CSGALNACT1: variants seen among roughly 807,000 people sequenced by gnomAD.
CSGALNACT1 encodes the protein chondroitin sulfate N-acetylgalactosaminyltransferase 1.
Under a neutral mutation model 51.0 loss-of-function variants are expected in CSGALNACT1, and 52 were observed. The ratio of observed to expected loss-of-function variants is 1.02; its 90% CI spans 0.82 to 1.29. CSGALNACT1 has a LOEUF of 1.29. Among genes scored for constraint, CSGALNACT1 ranks in the 50% most tolerant of loss-of-function variants. The pLI is 0.00. For missense variants in CSGALNACT1, 935 were observed against 679.2 expected, an observed-to-expected ratio of 1.38 and a Z score of -4.19; for synonymous variants, 341 against 254.4, an observed-to-expected ratio of 1.34 and a Z score of -3.24.
chr8:19,732,525 G>C (rs1312736814), intron 1 of CSGALNACT1: 3 of 152,150 alleles, frequency 2.0e-5, no homozygotes, highest in African/African-American at 4.8e-5. Flanking sequence ...AGCCATATAT[G>C]TGTCTTCATG....
intron 1 of CSGALNACT1, among the ~76,000 whole-genome samples, chr8:19,693,627 A>G (rs35279404): frequency 0.92 from 139,279 of 152,114 alleles, 63,999 homozygotes; most frequent in East Asian, 1. Flanking sequence ...ACCTGTCTAC[A>G]GGGAGCCCCT....
chr8:19,689,025 A>C (rs2154213868), intron 1 of CSGALNACT1: 1 of 152,346 alleles, frequency 6.6e-6, no homozygotes, highest in Non-Finnish European at 1.5e-5. Context: ...CAGTTTGGCT[A>C]GGGTAAATGT....
upstream of CSGALNACT1, among the ~76,000 whole-genome samples, chr8:19,604,931 A>AC (rs2051150582): frequency 6.7e-6 from 1 of 150,000 alleles, no homozygotes; most frequent in African/African-American, 2.5e-5. Flanking sequence ...AAAAAAAAAA[A>AC]AAAGTAAGTA....
chr8:19,715,493 T>C (rs1356120182), intron 1 of CSGALNACT1, among the ~76,000 whole-genome samples: 1 of 152,232 alleles, frequency 6.6e-6, no homozygotes, highest in African/African-American at 2.4e-5. Context: ...TATTTCATGG[T>C]GTGTATGTAC....
chr8:19,589,439 C>T (rs965242227), intron 3 of CSGALNACT1, among the ~76,000 whole-genome samples: 2 of 152,180 alleles, frequency 1.3e-5, no homozygotes, highest in African/African-American at 4.8e-5. Flanking sequence ...AATTATCCTG[C>T]CTAAGCCTCC....
In CSGALNACT1 at chr8:19,757,517, C is replaced by G. The variant is rs2065475464; in HGVS notation, c.-297+333G>C. ...CGTCGGAGCGGCGCCCTGGCCGAAG[C>G]CTGTCACTCTCGGAAGGGGCCGCGC... On this transcript the variant is annotated intron_variant, in intron 1 of 1. Coordinates refer to the CSGALNACT1 transcript ENST00000517494. This position sits in a 1 kb window ranked among gnomAD's most constrained non-coding sequence, Gnocchi z 4.0. Among the ~76,000 whole-genome samples the G allele has an allele frequency of 6.6e-6, 1 of 152,114 alleles. No individual in the cohort carries two copies. The highest frequency in any genetic ancestry group is 1.5e-5 in the Non-Finnish European group (1 of 68,006).
intron 1 of CSGALNACT1, among the ~76,000 whole-genome samples, chr8:19,724,747 C>A (rs1488510746): frequency 2.0e-5 from 3 of 152,230 alleles, no homozygotes; most frequent in Non-Finnish European, 4.4e-5. Flanking sequence ...GAAATCTGTT[C>A]TGCTCAGATA....
At chr8:19,505,127 C>A (rs2077055826) in intron 4 of CSGALNACT1, 74 bp downstream of exon 3, 1 of 1,574,336 alleles carries the variant, frequency 6.4e-7, no homozygotes, top group Non-Finnish European at 8.7e-7. Context: ...CCTCCTGGAG[C>A]TGGAACCTGC....
At chr8:19,622,226 C>T (rs999386606) in intron 1 of CSGALNACT1, among the ~76,000 whole-genome samples, 2 of 152,192 alleles carry the variant, frequency 1.3e-5, no homozygotes, top group African/African-American at 4.8e-5. Context: ...ATTTGTTGAA[C>T]TTGACTAAAC....
intron 6 of CSGALNACT1, among the ~76,000 whole-genome samples, chr8:19,436,802 T>C (rs2060457289): frequency 6.6e-6 from 1 of 152,088 alleles, no homozygotes. Context: ...TCCCAGCTAC[T>C]AAGGAGGCTA....
At chr8:19,634,379 A>C (rs1169232314) in intron 1 of CSGALNACT1, among the ~76,000 whole-genome samples, 1 of 152,150 alleles carries the variant, frequency 6.6e-6, no homozygotes, top group African/African-American at 2.4e-5. Context: ...AAGAAATACA[A>C]GAGGCCAGGT....
At chr8:19,564,806 C>T (rs949705464) in intron 3 of CSGALNACT1, among the ~76,000 whole-genome samples, 1 of 152,180 alleles carries the variant, frequency 6.6e-6, no homozygotes, top group Non-Finnish European at 1.5e-5. Context: ...AATTGGCTAC[C>T]TTGCCCCATG....
At chr8:19,629,113 G>C (rs192559582) in intron 1 of CSGALNACT1, among the ~76,000 whole-genome samples, 1 of 152,276 alleles carries the variant, frequency 6.6e-6, no homozygotes, top group East Asian at 1.9e-4. Context: ...GGGAAATCAA[G>C]AGAGTAGTTT....
At chr8:19,698,180 A>T (rs187031777) in intron 1 of CSGALNACT1, among the ~76,000 whole-genome samples, 1 of 152,176 alleles carries the variant, frequency 6.6e-6, no homozygotes, top group Non-Finnish European at 1.5e-5. Context: ...ACAGATTTTT[A>T]AAAAATAAGA....
At chr8:19,526,595 T>G (rs944211262) in intron 3 of CSGALNACT1, among the ~76,000 whole-genome samples, 3 of 151,948 alleles carry the variant, frequency 2.0e-5, no homozygotes, top group African/African-American at 7.2e-5. Flanking sequence ...ATAATAATAA[T>G]AATTTATATA....
At chr8:19,609,000 AGTTTATTTTGT>A (rs2051801065) in intron 1 of CSGALNACT1, among the ~76,000 whole-genome samples, 1 of 152,026 alleles carries the variant, frequency 6.6e-6, no homozygotes, top group African/African-American at 2.4e-5. Context: ...TCAATTTCTG[AGTTTATTTTGT>A]GTTATGCTCC....
chr8:19,650,322 GA>G (rs1267410911), intron 1 of CSGALNACT1, among the ~76,000 whole-genome samples: 3 of 152,268 alleles, frequency 2.0e-5, no homozygotes, highest in Admixed American at 1.3e-4. Context: ...TTTTTCTCTT[GA>G]AAACTGTGAG....
At chr8:19,420,596 C>T in intron 6 of CSGALNACT1, 78 bp from the exon 6 acceptor site, 4 of 1,422,678 alleles carry the variant, frequency 2.8e-6, no homozygotes, top group Non-Finnish European at 4.0e-6. Context: ...GTAATCAGGG[C>T]CCATCCACAT....
At chr8:19,722,724 C>T (rs1439591683) in intron 1 of CSGALNACT1, among the ~76,000 whole-genome samples, 1 of 152,156 alleles carries the variant, frequency 6.6e-6, no homozygotes, top group Non-Finnish European at 1.5e-5. Context: ...CAGGGTCATC[C>T]CTCGGAGAGA....
Sources: allele counts gnomAD v4.1 joint callset (sites outside exome capture counted in the v4.1 genomes callset), GRCh38; gene constraint gnomAD v4.1.1; non-coding constraint Gnocchi (gnomAD v3.1); transcripts MANE v1.5; gene names NCBI Gene and HGNC (gene_info 2026-07-23, HGNC 2026-07-21).